SAP130: variants seen among roughly 807,000 people sequenced by gnomAD.
The protein encoded by SAP130 is Sin3A associated protein 130.
Under a neutral mutation model 103.2 loss-of-function variants are expected in SAP130, and 16 were observed. The observed-to-expected ratio is 0.16, with a 90% CI of 0.10 to 0.24. SAP130 has a LOEUF of 0.24. Among genes scored for constraint, SAP130 ranks in the 10% least tolerant of loss-of-function variants. SAP130 has a pLI of 1.00. For missense variants in SAP130, 990 were observed against 1,359.7 expected (o/e 0.73, Z 4.28); for synonymous variants, 477 against 497.0 (o/e 0.96, Z 0.53).
chr2:127,980,639 A>G (rs192932763), intron 14 of SAP130, among the ~76,000 whole-genome samples: 1 of 152,330 alleles, frequency 6.6e-6, no homozygotes, highest in East Asian at 1.9e-4. Flanking sequence ...TATACATGGT[A>G]TTTTATACAA....
intron 6 of SAP130, among the ~76,000 whole-genome samples, chr2:128,011,050 G>A (rs1399607539): frequency 3.3e-5 from 5 of 151,856 alleles, no homozygotes; most frequent in Non-Finnish European, 5.9e-5. Flanking sequence ...TGGTACCAAT[G>A]GGATCTCACC....
chr2:128,021,783 T>C (rs1573860734), intron 2 of SAP130, among the ~76,000 whole-genome samples: 1 of 73,432 alleles, frequency 1.4e-5, no homozygotes, highest in Admixed American at 1.2e-4. Flanking sequence ...TCCTTACTCA[T>C]TGCTTGATAT....
chr2:128,020,317 C>T (rs1455606456), intron 2 of SAP130, among the ~76,000 whole-genome samples: 2 of 152,200 alleles, frequency 1.3e-5, no homozygotes, highest in Non-Finnish European at 2.9e-5. Flanking sequence ...TGGCCCTATT[C>T]TAGCCACTAT....
intron 1 of SAP130, chr2:128,027,180 T>C (rs1482962753): frequency 1.6e-6 from 2 of 1,245,866 alleles, no homozygotes; most frequent in Non-Finnish European, 1.0e-6. Context: ...GGCGGCGATG[T>C]GCTCGGCGGG....
intron 11 of SAP130, among the ~76,000 whole-genome samples, chr2:127,994,049 G>A (rs1683003592): frequency 6.6e-6 from 1 of 152,074 alleles, no homozygotes; most frequent in African/African-American, 2.4e-5. Context: ...ATTGAATTAA[G>A]TACCATATAA....
chr2:127,972,950 T>C (rs922192697), intron 15 of SAP130, among the ~76,000 whole-genome samples: 2 of 151,686 alleles, frequency 1.3e-5, no homozygotes, highest in African/African-American at 4.8e-5. Flanking sequence ...AAAACAAAAA[T>C]AAGCAAACAA....
At position 127,977,964 on chromosome 2, in the gene SAP130, G is replaced by A. The variant is rs370170530; in HGVS notation, c.2063+21C>T. The A allele has an allele frequency of 1.5e-5, 22 of 1,516,044 alleles. No homozygotes were observed. The African/African-American group carries it at 1.8e-4, about 12-fold the overall frequency. 93.9% of individuals were successfully genotyped at this position (1,516,044 alleles called of 1,614,324 possible). ...GATGTGTGGGTAAAAGCAAGAGTGC[G>A]AAGAACACTTAGGTGCTCACCCTGC... On this transcript the variant is annotated intron_variant, in intron 15 of 20. Coordinates refer to ENST00000643581, the MANE Select transcript of SAP130 (RefSeq NM_001330301.2).
intron 2 of SAP130, among the ~76,000 whole-genome samples, chr2:128,021,862 T>G (rs546114278): frequency 2.0e-5 from 3 of 152,226 alleles, no homozygotes; most frequent in African/African-American, 4.8e-5. Flanking sequence ...TGATGACTAG[T>G]AATGTTGAAC....
Position 127,945,653 on chromosome 2 carries a change from G to T in SAP130, c.2798-94C>A, listed in dbSNP as rs557337526. ...AGTGTAAATGCCATTATTTTAACAA[G>T]AATTTTATTTTTTTTTTGAGACAGT... On this transcript the variant is annotated intron_variant, in intron 18 of 20. Coordinates refer to ENST00000643581, the MANE Select transcript of SAP130 (RefSeq NM_001330301.2). 4.7e-4 allele frequency: 362 copies of T among 777,752 alleles called. 3 individuals carry two copies. The highest frequency in any genetic ancestry group is 3.2e-3 in the Middle Eastern group (13 of 4,078). 48.2% of individuals were successfully genotyped at this position (777,752 alleles called of 1,614,324 possible).
At chr2:127,997,870 T>C (rs559719021) in intron 10 of SAP130, among the ~76,000 whole-genome samples, 1 of 152,210 alleles carries the variant, frequency 6.6e-6, no homozygotes, top group East Asian at 1.9e-4. Flanking sequence ...TCCCAACACT[T>C]TGGGAGGCCG....
chr2:127,943,977 C>T (rs996679156), intron 19 of SAP130, among the ~76,000 whole-genome samples: 1 of 152,164 alleles, frequency 6.6e-6, no homozygotes, highest in African/African-American at 2.4e-5. Flanking sequence ...AATGTGGATA[C>T]TGTTGGGCGG....
rs544941630 is a variant in SAP130, at chr2:128,000,193, C to T, written c.1018-47G>A. ...ACAGTTATAAGAACATTATCCACTG[C>T]GTCCAGGGTAAACACAATCAATGCC... On this transcript the variant is annotated intron_variant, in intron 8 of 20. Transcript: ENST00000643581. 7.5e-5 allele frequency: 120 copies of T among 1,608,016 alleles called. 1 individual carries two copies. Among genetic ancestry groups the T allele is most frequent in the South Asian group, 5.9e-4 (54 of 90,956 alleles).
At chr2:127,969,260 G>C (rs1413908973) in intron 15 of SAP130, among the ~76,000 whole-genome samples, 1 of 152,116 alleles carries the variant, frequency 6.6e-6, no homozygotes, top group Non-Finnish European at 1.5e-5. Flanking sequence ...AGCAAGTACT[G>C]GGTATTTTAA....
At chr2:128,022,676 C>T (rs2105248712) in intron 2 of SAP130, among the ~76,000 whole-genome samples, 1 of 152,276 alleles carries the variant, frequency 6.6e-6, no homozygotes, top group African/African-American at 2.4e-5. Flanking sequence ...TAGTTTCTCA[C>T]AGTGGTTTTA....
chr2:127,962,180 G>C (rs1680302889), intron 15 of SAP130, among the ~76,000 whole-genome samples: 1 of 152,158 alleles, frequency 6.6e-6, no homozygotes, highest in African/African-American at 2.4e-5. Context: ...TCTTCCAACA[G>C]CATATTTCAA....
At chr2:127,945,229 T>C (rs750389447) in intron 19 of SAP130, among the ~76,000 whole-genome samples, 15 of 152,232 alleles carry the variant, frequency 9.9e-5, no homozygotes, top group Non-Finnish European at 1.8e-4. Context: ...TACACCACAG[T>C]TGTTCCATAT....
In SAP130 at chr2:127,950,331, C is replaced by T; in HGVS notation, c.2500G>A (p.Asp834Asn). Residue 834 changes from aspartate (D) to asparagine (N), a missense_variant, in exon 17 of 21, where the codon GAC becomes AAC. Transcript: ENST00000643581. ...LANNLSMPTSDLPPGASPRKK... is the reference protein window; with the variant it reads ...LANNLSMPTSNLPPGASPRKK... Reference sequence around the variant, plus strand: ...CTTGGGGAGGCACCAGGTGGTAGGTCACTTGTAGGCATGGACAAGTTGTTT... The same window carrying T: ...CTTGGGGAGGCACCAGGTGGTAGGTTACTTGTAGGCATGGACAAGTTGTTT... 2.5e-6 allele frequency: 4 copies of T among 1,614,166 alleles called. No individual in the cohort carries two copies. In the African/African-American group the frequency reaches 4.0e-5, roughly 16 times the overall value.
At chr2:128,025,662 T>C (rs6709862) in intron 2 of SAP130, among the ~76,000 whole-genome samples, 4,238 of 152,278 alleles carry the variant, frequency 0.028, 179 homozygotes, top group African/African-American at 0.093. Flanking sequence ...CTAGAGATGA[T>C]TTAAAATATA....
intron 7 of SAP130, among the ~76,000 whole-genome samples, chr2:128,008,663 AC>A (rs1249775679): frequency 6.7e-6 from 1 of 148,266 alleles, no homozygotes; most frequent in Non-Finnish European, 1.5e-5. Flanking sequence ...GAGCCACTGC[AC>A]CTAGCCTAAA....
Sources: allele counts gnomAD v4.1 joint callset (sites outside exome capture counted in the v4.1 genomes callset), GRCh38; gene constraint gnomAD v4.1.1; transcripts MANE v1.5; gene names NCBI Gene and HGNC (gene_info 2026-07-23, HGNC 2026-07-21).